The following EXOC6B variants were observed in gnomAD, a reference collection of about 807,000 sequenced individuals.
EXOC6B encodes the protein exocyst complex component 6B, also known as SEC15 homolog B.
EXOC6B carries 54 observed loss-of-function variants against 113.5 expected under a neutral mutation model. The observed-to-expected ratio is 0.48, with a 90% CI of 0.38 to 0.60. EXOC6B has a LOEUF of 0.60. Ranked by LOEUF, EXOC6B falls within the 20% of genes least tolerant of loss-of-function variation. EXOC6B has a pLI of 0.00. For missense variants in EXOC6B, 797 were observed against 977.5 expected (o/e 0.82, Z 2.46); for synonymous variants, 357 against 339.0 (o/e 1.05, Z -0.58).
At position 72,411,924 on chromosome 2, in the gene EXOC6B, T is replaced by A. The variant is rs550162868; in HGVS notation, c.1981-32054A>T. Among the ~76,000 whole-genome samples the A allele has an allele frequency of 5.9e-5, 9 of 152,190 alleles. No individual in the cohort carries two copies. The South Asian group carries it at 1.9e-3, about 32-fold the overall frequency. ...CTGAGATGAAGGAACTTTTTGAAAGTTAGATAAAATATGTATGTTTAAGAT... is the reference window on the plus strand; with the variant it reads ...CTGAGATGAAGGAACTTTTTGAAAGATAGATAAAATATGTATGTTTAAGAT... On this transcript the variant is annotated intron_variant, in intron 18 of 21. Coordinates refer to ENST00000272427, the MANE Select transcript of EXOC6B (RefSeq NM_015189.3).
chr2:72,650,006 C>G (rs1674038831), intron 6 of EXOC6B, among the ~76,000 whole-genome samples: 1 of 152,218 alleles, frequency 6.6e-6, no homozygotes. Context: ...CAGTACCGGT[C>G]CATAGCCTGT....
chr2:72,825,966 T>G lies in EXOC6B; in HGVS notation c.-56A>C. 1 of 1,587,230 alleles carries G rather than the reference T, an allele frequency of 6.3e-7. No individual in the cohort carries two copies. Among genetic ancestry groups the G allele is most frequent in the Non-Finnish European group, 8.5e-7 (1 of 1,170,374 alleles). On this transcript the variant is annotated 5_prime_UTR_variant, in exon 1 of 22. Transcript: ENST00000272427. This position sits in a 1 kb window ranked among gnomAD's most constrained non-coding sequence, Gnocchi z 4.4. The stretch of plus-strand genomic sequence containing the variant: ...CCGTCGGCTCGGCTCACCTTTTCCC[T>G]GCCCCACAATGCCGCTCCCACCACA...
chr2:72,541,874 A>C (rs1702626005), intron 8 of EXOC6B, among the ~76,000 whole-genome samples: 1 of 152,152 alleles, frequency 6.6e-6, no homozygotes, highest in Non-Finnish European at 1.5e-5. Flanking sequence ...GTGTTTCGTC[A>C]TGTTGCCCAG....
At chr2:72,698,486 C>T (rs1009970120) in intron 6 of EXOC6B, among the ~76,000 whole-genome samples, 2 of 152,106 alleles carry the variant, frequency 1.3e-5, no homozygotes, top group Non-Finnish European at 2.9e-5. Context: ...TAGATGAATA[C>T]CAATTTTATG....
chr2:72,433,028 T>C (rs888215067), intron 18 of EXOC6B, among the ~76,000 whole-genome samples: 2 of 152,206 alleles, frequency 1.3e-5, no homozygotes, highest in African/African-American at 2.4e-5. Flanking sequence ...TCTTCTACAG[T>C]TTTTATGATT....
rs573804961 is a variant in EXOC6B at position 72,513,320 on chromosome 2, G to C, written c.1047-68C>G. On this transcript the variant is annotated intron_variant, in intron 10 of 21. Transcript: ENST00000272427. ...AGTTTTATTACTCTCTCTGGGGTTT[G>C]ACAAGCATTAAGAGATACCATCAAA... The C allele has an allele frequency of 8.4e-5, 133 of 1,587,052 alleles. 1 individual carries two copies. Among genetic ancestry groups the C allele is most frequent in the Middle Eastern group, 7.1e-4 (4 of 5,638 alleles).
Position 72,823,470 on chromosome 2 carries a change from AAAAAAAAAC to A in EXOC6B, c.113+2319_113+2327del, listed in dbSNP as rs1339986338. 2.2e-3 allele frequency among the ~76,000 whole-genome samples: 300 copies of A among 138,430 alleles called. 4 individuals carry two copies. The highest frequency in any genetic ancestry group is 5.9e-3 in the Admixed American group (82 of 14,010). 90.8% of individuals were successfully genotyped at this position (138,430 alleles called of 152,430 possible). The stretch of plus-strand genomic sequence containing the variant: ...AATCAAAGTTTTAAGAAAAAAAAAA[AAAAAAAAAC>A]AAAAAACAAAAAAAAAGACAGTGGC... On this transcript the variant is annotated intron_variant, in intron 1 of 21. Transcript: ENST00000272427.
At chr2:72,682,027 ATCTC>A (rs112745780) in intron 6 of EXOC6B, among the ~76,000 whole-genome samples, 2 of 148,246 alleles carry the variant, frequency 1.3e-5, no homozygotes, top group African/African-American at 5.0e-5. Context: ...AACTAATACA[ATCTC>A]TCTCTCTCTC....
At chr2:72,693,916 T>C (rs1301149435) in intron 6 of EXOC6B, among the ~76,000 whole-genome samples, 1 of 151,978 alleles carries the variant, frequency 6.6e-6, no homozygotes. Flanking sequence ...CCTAAAAAAA[T>C]ATATCCAAAT....
chr2:72,278,011 G>C (rs1372355237), intron 20 of EXOC6B, among the ~76,000 whole-genome samples: 1 of 152,034 alleles, frequency 6.6e-6, no homozygotes, highest in African/African-American at 2.4e-5. Flanking sequence ...TCTCTTGAAG[G>C]CGGGAGCTTT....
At chr2:72,631,451 TATATATATATAGAGAGAGAGAGAGAGAG>T (rs1558862348) in intron 6 of EXOC6B, among the ~76,000 whole-genome samples, 35 of 45,994 alleles carry the variant, frequency 7.6e-4, no homozygotes, top group East Asian at 1.9e-3. Flanking sequence ...TATATATATA[TATATATATATAGAGAGAGAGAGAGAGAG>T]AGAGAGAGAG....
At chr2:72,387,189 C>T (rs1325198677) in intron 18 of EXOC6B, among the ~76,000 whole-genome samples, 1 of 152,136 alleles carries the variant, frequency 6.6e-6, no homozygotes, top group African/African-American at 2.4e-5. Context: ...ATACACCTTA[C>T]TTAGGCACAG....
rs1687422275 is a variant in EXOC6B at position 72,314,919 on chromosome 2, G to A, written c.2196+20028C>T. On this transcript the variant is annotated intron_variant, in intron 20 of 21. Transcript: ENST00000272427. ...CTAAGAATAAAGTTGTTCAGAAAATGTGCAAAATTCCTACACTTATGAAAA... is the reference window on the plus strand; with the variant it reads ...CTAAGAATAAAGTTGTTCAGAAAATATGCAAAATTCCTACACTTATGAAAA... Among the ~76,000 whole-genome samples, 2 of 152,152 alleles carry A rather than the reference G, an allele frequency of 1.3e-5. 1 individual carries two copies. Among genetic ancestry groups the A allele is most frequent in the South Asian group, 4.1e-4 (2 of 4,824 alleles).
intron 6 of EXOC6B, among the ~76,000 whole-genome samples, chr2:72,676,079 TG>T (rs1443543524): frequency 6.7e-6 from 1 of 149,986 alleles, no homozygotes; most frequent in Non-Finnish European, 1.5e-5. Flanking sequence ...GCATATGGCA[TG>T]AACAGACCAG....
chr2:72,679,181 C>A (rs1676521670), intron 6 of EXOC6B, among the ~76,000 whole-genome samples: 1 of 152,104 alleles, frequency 6.6e-6, no homozygotes, highest in Admixed American at 6.6e-5. Flanking sequence ...ATTCTCCTGC[C>A]TCGGCTTCCC....
intron 1 of EXOC6B, among the ~76,000 whole-genome samples, chr2:72,745,736 C>T (rs1336884145): frequency 2.6e-5 from 4 of 152,122 alleles, no homozygotes; most frequent in Non-Finnish European, 5.9e-5. Flanking sequence ...CTGATCACTA[C>T]CTAACAGTTC....
chr2:72,790,685 G>T (rs1684625030), intron 1 of EXOC6B, among the ~76,000 whole-genome samples: 1 of 152,026 alleles, frequency 6.6e-6, no homozygotes, highest in African/African-American at 2.4e-5. Flanking sequence ...AATTAGACTA[G>T]GGCATTACTA....
chr2:72,481,192 C>T (rs1699067320), intron 16 of EXOC6B, among the ~76,000 whole-genome samples: 1 of 152,180 alleles, frequency 6.6e-6, no homozygotes, highest in Admixed American at 6.5e-5. Context: ...TATAAGTTTC[C>T]TGAGGCCTCC....
chr2:72,243,427 GT>G (rs1373359046), intron 20 of EXOC6B, among the ~76,000 whole-genome samples: 1 of 152,162 alleles, frequency 6.6e-6, no homozygotes, highest in East Asian at 1.9e-4. Flanking sequence ...AAAAGGATGA[GT>G]TCATGTCCAT....
Sources: allele counts gnomAD v4.1 joint callset (sites outside exome capture counted in the v4.1 genomes callset), GRCh38; gene constraint gnomAD v4.1.1; non-coding constraint Gnocchi (gnomAD v3.1); transcripts MANE v1.5; gene names NCBI Gene and HGNC (gene_info 2026-07-23, HGNC 2026-07-21).